Variants in RNASE10 observed in about 807,000 individuals in gnomAD.
RNASE10 encodes the protein ribonuclease A family member 10 (inactive).
Under a neutral mutation model 1.1 loss-of-function variants are expected in RNASE10, and 2 were observed. That is an observed-to-expected ratio of 1.82 (90% CI 0.74 to 5.73). The LOEUF is 5.73. RNASE10 is among the 30% of genes most tolerant of loss of function. The pLI is 0.05. For missense variants in RNASE10, 276 were observed against 263.4 expected (o/e 1.05, Z -0.33); for synonymous variants, 97 against 96.2 (o/e 1.01, Z -0.05).
chr14:20,513,263 G>T (rs186073871), downstream of RNASE10, among the ~76,000 whole-genome samples: 1 of 151,774 alleles, frequency 6.6e-6, no homozygotes, highest in African/African-American at 2.4e-5. Flanking sequence ...GTAGACTATC[G>T]CAGGAAAGCA....
chr14:20,509,216 T>A (rs1163529724), intron 1 of RNASE10, among the ~76,000 whole-genome samples: 2 of 152,196 alleles, frequency 1.3e-5, no homozygotes, highest in Non-Finnish European at 2.9e-5. Flanking sequence ...TGCCGGCTAA[T>A]TTTTGTATTT....
intron 1 of RNASE10, among the ~76,000 whole-genome samples, chr14:20,508,072 T>C (rs2139368248): frequency 6.6e-6 from 1 of 152,040 alleles, no homozygotes; most frequent in South Asian, 2.1e-4. Context: ...TTTTATCATT[T>C]TCTCTCTCTC....
intron 1 of RNASE10, among the ~76,000 whole-genome samples, chr14:20,508,120 A>C (rs1418343241): frequency 6.6e-6 from 1 of 152,072 alleles, no homozygotes; most frequent in African/African-American, 2.4e-5. Flanking sequence ...CCATATATCT[A>C]TATTCCGAAG....
At chr14:20,504,687 C>CAAAAAAAAAAAAAAAAAAAAAAAAAA (rs71112507), upstream of RNASE10, among the ~76,000 whole-genome samples, 1 of 44,552 alleles carries the variant, frequency 2.2e-5, no homozygotes. Context: ...GACTCCGTCT[C>CAAAAAAAAAAAAAAAAAAAAAAAAAA]AAAAAAAAAA....
At chr14:20,506,715 G>T (rs1882736077) in intron 1 of RNASE10, among the ~76,000 whole-genome samples, 1 of 121,902 alleles carries the variant, frequency 8.2e-6, no homozygotes, top group Non-Finnish European at 1.7e-5. Context: ...GAGGGAGGTG[G>T]GGGGGTCAGC....
exon 2 of RNASE10, chr14:20,511,021 G>T: frequency 1.3e-6 from 2 of 1,578,850 alleles, no homozygotes; most frequent in Non-Finnish European, 8.6e-7. Context: ...GTCCCAACCA[G>T]ACCAGGTCAC....
upstream of RNASE10, among the ~76,000 whole-genome samples, chr14:20,505,284 C>G (rs1488582342): frequency 3.6e-5 from 1 of 27,786 alleles, no homozygotes; most frequent in Admixed American, 3.7e-4. Flanking sequence ...CTCCCTCTCC[C>G]TCTCCCTCTC....
chr14:20,507,385 T>A (rs551178639), intron 1 of RNASE10, among the ~76,000 whole-genome samples: 1 of 133,306 alleles, frequency 7.5e-6, no homozygotes, highest in East Asian at 2.0e-4. Flanking sequence ...CGGTGCAAGA[T>A]GTGCTTTGTT....
At chr14:20,513,498 C>G (rs908152018), downstream of RNASE10, among the ~76,000 whole-genome samples, 1 of 152,320 alleles carries the variant, frequency 6.6e-6, no homozygotes, top group Non-Finnish European at 1.5e-5. Flanking sequence ...GCCCATATGA[C>G]AGATCCCAGT....
chr14:20,511,533 A>T (rs148700819), downstream of RNASE10, among the ~76,000 whole-genome samples: 1,108 of 152,304 alleles, frequency 7.3e-3, 5 homozygotes, highest in Non-Finnish European at 0.012. Flanking sequence ...GGTTTTGCAC[A>T]ACTGCACTTC....
At chr14:20,504,366 T>C (rs1882635017), upstream of RNASE10, among the ~76,000 whole-genome samples, 1 of 152,174 alleles carries the variant, frequency 6.6e-6, no homozygotes, top group Non-Finnish European at 1.5e-5. Context: ...CACAGAGGTG[T>C]TGGGTGCCTC....
At chr14:20,504,724 C>T (rs1323363150), upstream of RNASE10, among the ~76,000 whole-genome samples, 1 of 134,814 alleles carries the variant, frequency 7.4e-6, no homozygotes, top group South Asian at 2.5e-4. Context: ...GTCATTACAA[C>T]CTTCTCTCAC....
upstream of RNASE10, among the ~76,000 whole-genome samples, chr14:20,504,905 C>G (rs894418388): frequency 1.3e-5 from 2 of 151,998 alleles, no homozygotes; most frequent in Non-Finnish European, 2.9e-5. Context: ...GAGAGGAGCT[C>G]ACAGGCCAGC....
intron 1 of RNASE10, among the ~76,000 whole-genome samples, chr14:20,506,658 A>C (rs2139365530): frequency 1.1e-5 from 1 of 90,862 alleles, no homozygotes; most frequent in Admixed American, 1.1e-4. Flanking sequence ...CCAGTCCAGG[A>C]GGGAGGTGGG....
intron 1 of RNASE10, among the ~76,000 whole-genome samples, chr14:20,508,214 T>G (rs1056885944): frequency 4.5e-4 from 68 of 152,332 alleles, no homozygotes; most frequent in African/African-American, 1.3e-3. Flanking sequence ...GATATTTTCT[T>G]AAACAATCAG....
intron 1 of RNASE10, among the ~76,000 whole-genome samples, chr14:20,507,609 AT>A (rs368168389): frequency 7.3e-5 from 9 of 122,942 alleles, no homozygotes; most frequent in African/African-American, 2.7e-4. Context: ...AGAATGATCA[AT>A]TAAAAAAATA....
intron 1 of RNASE10, among the ~76,000 whole-genome samples, chr14:20,509,954 A>AAG (rs36028472): frequency 6.6e-4 from 2 of 3,016 alleles, no homozygotes; most frequent in Non-Finnish European, 2.4e-3. Flanking sequence ...GACTCGTCTC[A>AAG]AAAAAAAAAA....
chr14:20,510,636 C>T (rs1286005269), exon 2 of RNASE10: 4 of 1,614,004 alleles, frequency 2.5e-6, no homozygotes, highest in African/African-American at 2.7e-5. Flanking sequence ...AAGCTGAGGC[C>T]ACTGAGGAGG....
intron 1 of RNASE10, among the ~76,000 whole-genome samples, chr14:20,506,562 A>C (rs1351699854): frequency 1.0e-5 from 1 of 97,928 alleles, no homozygotes; most frequent in African/African-American, 4.5e-5. Flanking sequence ...GGCCGCCCCT[A>C]CTGGGAAGTG....
Sources: allele counts gnomAD v4.1 joint callset (sites outside exome capture counted in the v4.1 genomes callset), GRCh38; gene constraint gnomAD v4.1.1; transcripts MANE v1.5; gene names NCBI Gene and HGNC (gene_info 2026-07-23, HGNC 2026-07-21).